EIF2B1: variants seen among roughly 807,000 people sequenced by gnomAD.
The protein encoded by EIF2B1 is translation initiation factor eIF2B subunit alpha.
A neutral mutation model predicts 36.8 loss-of-function variants in EIF2B1; 30 were observed. The ratio of observed to expected loss-of-function variants is 0.81; its 90% CI spans 0.61 to 1.10. EIF2B1 has a LOEUF of 1.10. Ranked by LOEUF, EIF2B1 falls within the 50% of genes least tolerant of loss-of-function variation. The pLI, the probability that EIF2B1 is intolerant of heterozygous loss-of-function variation, is 0.00. For missense variants in EIF2B1, 271 were observed against 374.8 expected (o/e 0.72, Z 2.29); for synonymous variants, 139 against 142.2 (o/e 0.98, Z 0.16).
chr12:123,630,566 C>T lies in EIF2B1; in HGVS notation c.116-33G>A, dbSNP rs773467972. ...GATCCAACAAGGAATGTGATGTTCA[C>T]ATTAGGGCCACAGCCCCGACCTGTA... is the stretch of plus-strand genomic sequence containing the variant. On this transcript the variant is annotated intron_variant, in intron 2 of 8. Coordinates refer to ENST00000424014, the MANE Select transcript of EIF2B1 (RefSeq NM_001414.4). The surrounding 1 kb of genome is among the most constrained non-coding windows in gnomAD (Gnocchi z 4.6). The T allele has an allele frequency of 1.6e-5, 25 of 1,608,698 alleles. No individual in the cohort carries two copies. The Admixed American group carries it at 4.0e-4, about 26-fold the overall frequency.
At chr12:123,626,347 A>G in intron 6 of EIF2B1, 78 bp downstream of exon 6, 16 of 1,585,124 alleles carry the variant, frequency 1.0e-5, no homozygotes, top group Non-Finnish European at 1.3e-5. Context: ...ACGGGACTCA[A>G]ACTTTCAATC....
Position 123,622,663 on chromosome 12 carries a change from G to A in EIF2B1, c.726C>T (p.Asn242=). The part of the protein sequence containing the change: ...SFKFVRLFPL[N]QQDVPDKFKY... The stretch of plus-strand genomic sequence containing the variant: ...TAAACTTATCTGGGACGTCTTGCTG[G>A]TTTAGTGGAAAGAGCCGGACAAACT... The change falls in exon 8 of 9, where the codon AAC becomes AAT. Residue 242 remains asparagine, a synonymous_variant. Transcript: ENST00000424014. 6.2e-7 allele frequency: 1 copy of A among 1,614,160 alleles called. No individual in the cohort carries two copies. Among genetic ancestry groups the A allele is most frequent in the Admixed American group, 1.7e-5 (1 of 60,028 alleles).
chr12:123,632,847 G>A (rs1312909733), intron 1 of EIF2B1, among the ~76,000 whole-genome samples: 1 of 150,760 alleles, frequency 6.6e-6, no homozygotes, highest in Non-Finnish European at 1.5e-5. Flanking sequence ...TTGGGAGGCT[G>A]AGGCAGGAGA....
chr12:123,626,536 G>C (rs1593780114), intron 5 of EIF2B1, 43 bp from the exon 6 acceptor site: 1 of 1,604,966 alleles, frequency 6.2e-7, no homozygotes, highest in Non-Finnish European at 8.5e-7. Flanking sequence ...GTACAAGACA[G>C]TACCACAGTG....
rs977823256 is a variant in EIF2B1, at chr12:123,623,717, A to G, written c.628-956T>C. 8.5e-5 allele frequency among the ~76,000 whole-genome samples: 13 copies of G among 152,158 alleles called. No individual in the cohort carries two copies. The East Asian group carries it at 2.5e-3, about 29-fold the overall frequency. ...TCGAACTCCTGACCTCAGATGATCT[A>G]CCTGCCTCAGCCTCCCAAAGTGCTG... On this transcript the variant is annotated intron_variant, in intron 7 of 8. Coordinates refer to ENST00000424014, the MANE Select transcript of EIF2B1 (RefSeq NM_001414.4).
At chr12:123,628,232 T>C (rs1955162509) in intron 4 of EIF2B1, among the ~76,000 whole-genome samples, 1 of 152,064 alleles carries the variant, frequency 6.6e-6, no homozygotes, top group Non-Finnish European at 1.5e-5. Flanking sequence ...ATTTATTTTA[T>C]TTTTTGTAGA....
Position 123,632,380 on chromosome 12 carries a change from A to T in EIF2B1, c.80T>A (p.Ile27Asn). ...DPDMASAVAA[I>N]RTLLEFLKRD... ...CTTCAAGAACTCCAGCAACGTCCGG[A>T]TGGCAGCCACTGCTGAGGCCATGTC... Residue 27 changes from isoleucine (I) to asparagine (N), a missense_variant, in exon 2 of 9, where the codon ATC becomes AAC. Ile to Asn is a moderately radical substitution (Grantham distance 149). Coordinates refer to ENST00000424014, the MANE Select transcript of EIF2B1 (RefSeq NM_001414.4). 6.2e-7 allele frequency: 1 copy of T among 1,613,674 alleles called. No individual in the cohort carries two copies.
intron 1 of EIF2B1, 96 bp downstream of exon 1, chr12:123,633,449 G>T: frequency 3.8e-6 from 6 of 1,566,976 alleles, no homozygotes; most frequent in Non-Finnish European, 5.3e-6. Context: ...AAATTCAAAA[G>T]AAATCTCTTC....
intron 4 of EIF2B1, among the ~76,000 whole-genome samples, chr12:123,628,792 C>G (rs1343636480): frequency 6.6e-6 from 1 of 152,130 alleles, no homozygotes; most frequent in Non-Finnish European, 1.5e-5. Context: ...GACCCTAGCC[C>G]AAACCCACTG....
intron 4 of EIF2B1, among the ~76,000 whole-genome samples, chr12:123,629,666 A>G (rs977921524): frequency 2.0e-5 from 3 of 152,060 alleles, no homozygotes; most frequent in African/African-American, 7.2e-5. Flanking sequence ...GCTGGTGGGC[A>G]CCTGTAGTCC....
In EIF2B1 at chr12:123,630,886, G is replaced by T. The variant is rs1027878030; in HGVS notation, c.116-353C>A. On this transcript the variant is annotated intron_variant, in intron 2 of 8. Coordinates refer to ENST00000424014, the MANE Select transcript of EIF2B1 (RefSeq NM_001414.4). This position sits in a 1 kb window ranked among gnomAD's most constrained non-coding sequence, Gnocchi z 4.6. ...GCAAGGTGGTATGGGTGAGGCTAAG[G>T]TTGTTTGGATGTTATTTTAAGAACA... Among the ~76,000 whole-genome samples, 7 of 152,150 alleles carry T rather than the reference G, an allele frequency of 4.6e-5. No homozygotes were observed. The highest frequency in any genetic ancestry group is 3.3e-4 in the Admixed American group (5 of 15,270).
chr12:123,629,403 G>A (rs1188729944), intron 4 of EIF2B1, among the ~76,000 whole-genome samples: 1 of 152,142 alleles, frequency 6.6e-6, no homozygotes, highest in Non-Finnish European at 1.5e-5. Context: ...CACTAAGAAA[G>A]TCCTCAGTGT....
At position 123,630,130 on chromosome 12, in the gene EIF2B1, C is replaced by G; in HGVS notation, c.369+39G>C. On this transcript the variant is annotated intron_variant, in intron 4 of 8. Transcript: ENST00000424014. This position sits in a 1 kb window ranked among gnomAD's most constrained non-coding sequence, Gnocchi z 4.6. ...TACCCCAGGCAGTCGGACTCGAAAC[C>G]GTTGCTCCTCCTTACCACCATGATG... 1 of 1,587,494 alleles carries G rather than the reference C, an allele frequency of 6.3e-7. No individual in the cohort carries two copies. The highest frequency in any genetic ancestry group is 8.6e-7 in the Non-Finnish European group (1 of 1,156,986).
At chr12:123,623,000 GATATAC>G (rs1358350862) in intron 7 of EIF2B1, among the ~76,000 whole-genome samples, 2 of 151,856 alleles carry the variant, frequency 1.3e-5, no homozygotes, top group Non-Finnish European at 2.9e-5. Context: ...ATATAATATA[GATATAC>G]ATATATCTAA....
chr12:123,621,291 A>G lies in EIF2B1; in HGVS notation c.*465T>C. 3.8e-6 allele frequency: 1 copy of G among 263,180 alleles called. No homozygotes were observed. Among genetic ancestry groups the G allele is most frequent in the Non-Finnish European group, 7.5e-6 (1 of 133,470 alleles). The allele number at this position is 263,180 out of a possible 1,614,324, so 16.3% of individuals were successfully genotyped here. ...GAATGTGCTTACCACTGGAAGCCAG[A>G]TGCAGATTCAGCAAGTGTTTCTTGC... On this transcript the variant is annotated 3_prime_UTR_variant, in exon 9 of 9. Coordinates refer to ENST00000424014, the MANE Select transcript of EIF2B1 (RefSeq NM_001414.4).
chr12:123,625,877 T>C (rs1955144583), intron 6 of EIF2B1: 4 of 171,894 alleles, frequency 2.3e-5, no homozygotes, highest in Admixed American at 2.2e-4. Context: ...ACGCCTGTAA[T>C]CCCAGCACTT....
intron 1 of EIF2B1, 143 bp downstream of exon 1, chr12:123,633,402 G>C: frequency 7.7e-7 from 1 of 1,294,030 alleles, no homozygotes; most frequent in East Asian, 2.3e-5. Flanking sequence ...GAGGGATTTA[G>C]TTGTGACTCT....
intron 7 of EIF2B1, among the ~76,000 whole-genome samples, chr12:123,624,256 C>A (rs1955131160): frequency 7.7e-6 from 1 of 129,094 alleles, no homozygotes; most frequent in South Asian, 2.5e-4. Flanking sequence ...ATAAATTACA[C>A]TTTTTTTTTT....
At position 123,624,866 on chromosome 12, in the gene EIF2B1, AG is replaced by A. The variant is rs749080535; in HGVS notation, c.552-5del. ...ATCTGCTTTCTCCATGATGTAGCTA[AG>A]GGGAAAAAAAGCTTTTCATGCTTTA... On this transcript the variant is annotated splice_polypyrimidine_tract_variant and splice_region_variant and intron_variant, in intron 6 of 8. Coordinates refer to ENST00000424014, the MANE Select transcript of EIF2B1 (RefSeq NM_001414.4). 2 of 1,613,930 alleles carry A rather than the reference AG, an allele frequency of 1.2e-6. No homozygotes were observed. The highest frequency in any genetic ancestry group is 1.7e-6 in the Non-Finnish European group (2 of 1,179,818).
Sources: gnomAD v4.1 joint callset for allele counts (sites outside exome capture counted in the v4.1 genomes callset) on GRCh38, gnomAD v4.1.1 for gene constraint, Gnocchi (gnomAD v3.1) non-coding constraint, MANE v1.5 for transcripts, NCBI Gene and HGNC (gene_info 2026-07-23, HGNC 2026-07-21) for gene names.